Variants in MCC observed in about 807,000 individuals in gnomAD.
The protein encoded by MCC is MCC regulator of Wnt signaling pathway.
MCC carries 90 observed loss-of-function variants against 116.2 expected under a neutral mutation model. That is an observed-to-expected ratio of 0.77 (90% confidence interval 0.65 to 0.92). The LOEUF (loss-of-function observed/expected upper bound fraction) is 0.92, where lower values mean the gene tolerates loss of function less well. MCC is among the 40% of genes least tolerant of loss of function. MCC has a pLI of 0.00. For missense variants in MCC, 1,516 were observed against 1,312.2 expected, an observed-to-expected ratio of 1.16 and a Z score of -2.40; for synonymous variants, 578 against 510.5, an observed-to-expected ratio of 1.13 and a Z score of -1.78.
chr5:113,129,614 C>T (rs1758305942), intron 5 of MCC, among the ~76,000 whole-genome samples: 1 of 152,118 alleles, frequency 6.6e-6, no homozygotes, highest in Non-Finnish European at 1.5e-5. Flanking sequence ...TGCAAGCCGT[C>T]TTATGTCTCT....
chr5:113,073,213 A>T (rs1041362342), intron 11 of MCC, among the ~76,000 whole-genome samples: 4 of 152,052 alleles, frequency 2.6e-5, no homozygotes, highest in Admixed American at 2.6e-4. Context: ...ACCCCTGAGG[A>T]TCTTTTTTGA....
intron 3 of MCC, among the ~76,000 whole-genome samples, chr5:113,204,157 G>A (rs907172505): frequency 6.6e-6 from 1 of 152,164 alleles, no homozygotes; most frequent in Admixed American, 6.5e-5. Context: ...CCTAGAGAAT[G>A]GTCTTGACGG....
intron 3 of MCC, among the ~76,000 whole-genome samples, chr5:113,264,498 G>T (rs547069608): frequency 1.3e-5 from 2 of 152,148 alleles, no homozygotes; most frequent in Admixed American, 1.3e-4. Context: ...AAAATATTAA[G>T]GACTTACACT....
intron 3 of MCC, chr5:113,294,529 G>A: frequency 6.9e-7 from 1 of 1,459,158 alleles, no homozygotes; most frequent in Non-Finnish European, 9.0e-7. Flanking sequence ...GTTGCGAAGC[G>A]CAAACGGAGG....
chr5:113,325,428 CTTTT>C (rs34751344), intron 3 of MCC, among the ~76,000 whole-genome samples: 2 of 137,708 alleles, frequency 1.5e-5, no homozygotes, highest in African/African-American at 2.6e-5. Flanking sequence ...TCTCGCAGCA[CTTTT>C]TTTTTTTTTT....
chr5:113,045,873 C>T (rs987310353), intron 16 of MCC, among the ~76,000 whole-genome samples: 62 of 152,052 alleles, frequency 4.1e-4, no homozygotes, highest in African/African-American at 1.4e-3. Context: ...GTTGCCTCTG[C>T]TTTTGCGCTA....
At chr5:113,139,818 T>C (rs1759074609) in intron 5 of MCC, among the ~76,000 whole-genome samples, 1 of 152,052 alleles carries the variant, frequency 6.6e-6, no homozygotes, top group Admixed American at 6.5e-5. Context: ...ACCTCCCAGG[T>C]TCAAGCGATT....
chr5:113,461,006 T>C (rs1771727298), intron 1 of MCC, among the ~76,000 whole-genome samples: 1 of 152,222 alleles, frequency 6.6e-6, no homozygotes, highest in Non-Finnish European at 1.5e-5. Flanking sequence ...TAAAAACACA[T>C]TTTTCGACTC....
intron 5 of MCC, among the ~76,000 whole-genome samples, chr5:113,132,437 TATATATACACACAC>T (rs1561385075): frequency 1.2e-3 from 89 of 75,500 alleles, no homozygotes; most frequent in East Asian, 2.4e-3. Context: ...CATATATATA[TATATATACACACAC>T]ACACACACAC....
chr5:113,389,893 A>T (rs898392263), intron 1 of MCC, among the ~76,000 whole-genome samples: 2 of 152,188 alleles, frequency 1.3e-5, no homozygotes, highest in African/African-American at 4.8e-5. Flanking sequence ...AGCACATGGG[A>T]TGCTCAGTAA....
intron 2 of MCC, among the ~76,000 whole-genome samples, chr5:113,361,652 G>A (rs1431491377): frequency 1.3e-5 from 2 of 152,178 alleles, no homozygotes; most frequent in Non-Finnish European, 2.9e-5. Flanking sequence ...GCCTGTGAGG[G>A]TATTTCCAGA....
At position 113,024,384 on chromosome 5, in the gene MCC, C is replaced by G. The variant is rs1298709009; in HGVS notation, c.*2918G>C. The G allele has an allele frequency of 1.3e-5, 2 of 152,190 alleles. No homozygotes were observed. Among genetic ancestry groups the G allele is most frequent in the African/African-American group, 4.8e-5 (2 of 41,444 alleles). The allele number at this position is 152,190 out of a possible 1,614,324, so 9.4% of individuals were successfully genotyped here. A position where few individuals can be genotyped will look rare whatever the true frequency, so the allele number is the denominator to read the frequency against. On this transcript the variant is annotated 3_prime_UTR_variant, in exon 19 of 19. Transcript: ENST00000408903. ...GGTAAGCTCACACTGATGGCACTCGCAACTACGGACAGAAGTCTCTTTTGC... is the reference window on the plus strand; with the variant it reads ...GGTAAGCTCACACTGATGGCACTCGGAACTACGGACAGAAGTCTCTTTTGC...
chr5:113,402,293 CA>C (rs371884386), intron 1 of MCC, among the ~76,000 whole-genome samples: 6,046 of 96,558 alleles, frequency 0.063, 159 homozygotes, highest in Middle Eastern at 0.12. Flanking sequence ...GACTCCGTCT[CA>C]AAAAAAAAAA....
chr5:113,292,662 AAAG>A (rs1766548779), intron 3 of MCC, among the ~76,000 whole-genome samples: 1 of 152,182 alleles, frequency 6.6e-6, no homozygotes, highest in Non-Finnish European at 1.5e-5. Flanking sequence ...CAATAGGACT[AAAG>A]TCAATTCACA....
In MCC at chr5:113,026,845, A is replaced by T. The variant is rs1750583009; in HGVS notation, c.*457T>A. 6.4e-6 allele frequency: 1 copy of T among 155,756 alleles called. No individual in the cohort carries two copies. Among genetic ancestry groups the T allele is most frequent in the African/African-American group, 2.4e-5 (1 of 41,550 alleles). 9.6% of individuals were successfully genotyped at this position (155,756 alleles called of 1,614,324 possible). On this transcript the variant is annotated 3_prime_UTR_variant, in exon 19 of 19. Coordinates refer to ENST00000408903, the MANE Select transcript of MCC (RefSeq NM_001085377.2). ...AATCAGCAGTCCTTTTAAATGCTGG[A>T]GGCACACACAGGTCTGTTTTCCCAT...
intron 1 of MCC, among the ~76,000 whole-genome samples, chr5:113,416,969 CTTTTT>C (rs148628081): frequency 5.7e-5 from 7 of 122,514 alleles, no homozygotes; most frequent in African/African-American, 1.9e-4. Flanking sequence ...TGTGAATTGC[CTTTTT>C]TTTTTTTTTT....
intron 3 of MCC, among the ~76,000 whole-genome samples, chr5:113,242,164 T>C (rs1482749670): frequency 6.6e-6 from 1 of 152,254 alleles, no homozygotes; most frequent in East Asian, 1.9e-4. Context: ...AGAAATATTC[T>C]GGACTTAAGC....
intron 11 of MCC, among the ~76,000 whole-genome samples, chr5:113,080,803 T>TAAC (rs1158997813): frequency 8.2e-5 from 11 of 134,210 alleles, no homozygotes; most frequent in East Asian, 2.1e-4. Flanking sequence ...AAAGTATAAT[T>TAAC]AACAACAACA....
intron 8 of MCC, among the ~76,000 whole-genome samples, chr5:113,099,704 T>G (rs573281980): frequency 8.9e-4 from 136 of 152,348 alleles, no homozygotes; most frequent in African/African-American, 3.3e-3. Flanking sequence ...GTACCTAGTG[T>G]AGTGCCTCCG....
Sources: allele counts gnomAD v4.1 joint callset (sites outside exome capture counted in the v4.1 genomes callset), GRCh38; gene constraint gnomAD v4.1.1; transcripts MANE v1.5; gene names NCBI Gene and HGNC (gene_info 2026-07-23, HGNC 2026-07-21).